The following ABCA8 variants were observed in gnomAD, a reference collection of about 807,000 sequenced individuals.
ABCA8 encodes the protein ATP binding cassette subfamily A member 8.
Under a neutral mutation model 192.3 loss-of-function variants are expected in ABCA8, and 177 were observed. The observed-to-expected ratio is 0.92, with a 90% confidence interval of 0.81 to 1.04. ABCA8 has a LOEUF of 1.04. Among genes scored for constraint, ABCA8 ranks in the 50% least tolerant of loss-of-function variants. The pLI is 0.00. For synonymous variants in ABCA8, 642 were observed against 690.2 expected, an observed-to-expected ratio of 0.93 and a Z score of 1.09; for missense variants, 1,915 against 1,904.8, an observed-to-expected ratio of 1.01 and a Z score of -0.10.
intron 38 of ABCA8, among the ~76,000 whole-genome samples, chr17:68,869,362 A>C (rs899463816): frequency 3.9e-5 from 6 of 152,210 alleles, no homozygotes; most frequent in Non-Finnish European, 5.9e-5. Context: ...CCACGGAAAA[A>C]TTTAATTTTA....
chr17:68,933,287 A>G lies in ABCA8; in HGVS notation c.467-16T>C. The G allele has an allele frequency of 6.8e-7, 1 of 1,470,164 alleles. No homozygotes were observed. Among genetic ancestry groups the G allele is most frequent in the South Asian group, 1.1e-5 (1 of 87,470 alleles). The allele number at this position is 1,470,164 out of a possible 1,614,324, so 91.1% of individuals were successfully genotyped here. A position where few individuals can be genotyped will look rare whatever the true frequency, so the allele number is the denominator to read the frequency against. ...TAACAATGAGCTTTGTGAAAAAACA[A>G]ATCATAACTATCATTACATCACTAT... On this transcript the variant is annotated splice_polypyrimidine_tract_variant and intron_variant, in intron 5 of 39. Transcript: ENST00000586539.
chr17:68,917,468 G>A lies in ABCA8; in HGVS notation c.2048-17C>T. On this transcript the variant is annotated splice_polypyrimidine_tract_variant and intron_variant, in intron 16 of 39. Transcript: ENST00000586539. The stretch of plus-strand genomic sequence containing the variant: ...CTTTCCTGTCTGAAAAAGAAGAAGA[G>A]CAAAGAAGAAAGTTTGTTAAAAAGT... 2 of 1,585,608 alleles carry A rather than the reference G, an allele frequency of 1.3e-6. No homozygotes were observed. The highest frequency in any genetic ancestry group is 1.7e-6 in the Non-Finnish European group (2 of 1,159,752).
chr17:68,876,304 C>CT (rs4148026), intron 35 of ABCA8, 156 bp downstream of exon 35: 6,473 of 689,596 alleles, frequency 9.4e-3, no homozygotes, highest in Non-Finnish European at 0.011. Context: ...AGGGAAAGAT[C>CT]TTTTTTTTTT....
At chr17:68,937,179 A>C in intron 4 of ABCA8, 64 bp from the exon 5 acceptor site, 10 of 1,357,380 alleles carry the variant, frequency 7.4e-6, no homozygotes, top group South Asian at 1.4e-5. Flanking sequence ...TCAGGATGTC[A>C]TGTTGAATTG....
Position 68,940,703 on chromosome 17 carries a change from C to A in ABCA8, c.301+55G>T. 3 of 1,488,818 alleles carry A rather than the reference C, an allele frequency of 2.0e-6. No individual in the cohort carries two copies. In the South Asian group the frequency reaches 3.5e-5, roughly 17 times the overall value. The allele number at this position is 1,488,818 out of a possible 1,614,324, so 92.2% of individuals were successfully genotyped here. A position where few individuals can be genotyped will look rare whatever the true frequency, so the allele number is the denominator to read the frequency against. On this transcript the variant is annotated intron_variant, in intron 4 of 39. Transcript: ENST00000586539. ...CAAATTAAATGTATAAATCTGCGGT[C>A]AAATAAACCAAATATTCACACCAGA...
At chr17:68,902,671 G>T in intron 21 of ABCA8, 42 bp downstream of exon 21, 1 of 1,550,706 alleles carries the variant, frequency 6.4e-7, no homozygotes, top group South Asian at 1.1e-5. Context: ...GTACTGCTCT[G>T]AACAGTAAAT....
At chr17:68,876,840 G>T in intron 33 of ABCA8, 137 bp from the exon 34 acceptor site, 1 of 978,442 alleles carries the variant, frequency 1.0e-6, no homozygotes, top group Non-Finnish European at 1.5e-6. Context: ...GGGAAGGAGG[G>T]GTGATATTAC....
At chr17:68,921,860 T>A (rs1223029018) in intron 12 of ABCA8, among the ~76,000 whole-genome samples, 1 of 151,942 alleles carries the variant, frequency 6.6e-6, no homozygotes, top group Non-Finnish European at 1.5e-5. Context: ...TTGAGGTAAG[T>A]GACATTTTCA....
intron 31 of ABCA8, 85 bp from the exon 32 acceptor site, chr17:68,881,296 A>G: frequency 2.1e-6 from 2 of 957,238 alleles, no homozygotes; most frequent in Non-Finnish European, 1.6e-6. Flanking sequence ...CTATGTGACA[A>G]GCATTTGCTA....
intron 22 of ABCA8, 68 bp from the exon 23 acceptor site, chr17:68,894,378 T>C: frequency 7.2e-7 from 1 of 1,387,676 alleles, no homozygotes. Context: ...AAGTCAAAAT[T>C]TGACATGTTA....
intron 2 of ABCA8, among the ~76,000 whole-genome samples, chr17:68,946,748 G>A (rs963212578): frequency 1.3e-5 from 2 of 152,146 alleles, no homozygotes; most frequent in Non-Finnish European, 2.9e-5. Context: ...ATACCAGCCT[G>A]CGCAACATGG....
Position 68,936,064 on chromosome 17 carries a change from T to C in ABCA8, c.466+887A>G, listed in dbSNP as rs192723773. On this transcript the variant is annotated intron_variant, in intron 5 of 39. Transcript: ENST00000586539. ...GCAAATGGGTTATTTGTTTTGCTTG[T>C]TGAGTTCTTTGAGTTCTTTGTTGAA... 1.3e-4 allele frequency among the ~76,000 whole-genome samples: 20 copies of C among 152,280 alleles called. No individual in the cohort carries two copies. The East Asian group carries it at 3.9e-3, about 29-fold the overall frequency.
intron 27 of ABCA8, 99 bp from the exon 28 acceptor site, chr17:68,884,495 G>T: frequency 1.4e-6 from 2 of 1,410,038 alleles, no homozygotes; most frequent in South Asian, 3.6e-5. Flanking sequence ...GCTAACATTT[G>T]ACCATGAATA....
Position 68,877,528 on chromosome 17 carries a change from G to A in ABCA8, c.4190C>T (p.Ala1397Val). Reference protein sequence around the residue: ...KGLRKGDAEVAITRLVDALKL... With the variant: ...KGLRKGDAEVVITRLVDALKL... Reference sequence around the variant, plus strand: ...TGGCTCCTCTGTGTACCGTGTGATGGCAACCTCAGCATCCCCTTTCCTCAG... The same window carrying A: ...TGGCTCCTCTGTGTACCGTGTGATGACAACCTCAGCATCCCCTTTCCTCAG... The change falls in exon 33 of 40, where the codon GCC becomes GTC. Residue 1397 changes from alanine to valine, a missense_variant. Ala to Val is a moderately conservative substitution (Grantham distance 64, BLOSUM62 0). Transcript: ENST00000586539. The A allele has an allele frequency of 6.2e-7, 1 of 1,613,082 alleles. No individual in the cohort carries two copies. Among genetic ancestry groups the A allele is most frequent in the Non-Finnish European group, 8.5e-7 (1 of 1,179,428 alleles).
intron 4 of ABCA8, among the ~76,000 whole-genome samples, chr17:68,938,468 T>A (rs541462368): frequency 3.9e-5 from 6 of 152,218 alleles, no homozygotes; most frequent in African/African-American, 1.4e-4. Flanking sequence ...TCCAGTGACT[T>A]GGTGGAGCAA....
At chr17:68,880,609 T>A (rs916971620) in intron 32 of ABCA8, among the ~76,000 whole-genome samples, 2 of 152,178 alleles carry the variant, frequency 1.3e-5, no homozygotes, top group African/African-American at 4.8e-5. Context: ...TGCCACCACA[T>A]TTTTTGGTGC....
intron 21 of ABCA8, among the ~76,000 whole-genome samples, chr17:68,901,495 A>G (rs900864081): frequency 1.3e-5 from 2 of 152,222 alleles, no homozygotes; most frequent in African/African-American, 4.8e-5. Context: ...GCATACGTAG[A>G]AACTGGAATC....
intron 21 of ABCA8, among the ~76,000 whole-genome samples, chr17:68,900,031 CTG>C (rs2066865508): frequency 6.6e-6 from 1 of 152,092 alleles, no homozygotes. Context: ...AGTGAAACTT[CTG>C]TGTTAAGACA....
intron 19 of ABCA8, among the ~76,000 whole-genome samples, chr17:68,903,925 T>C (rs2066983216): frequency 6.6e-6 from 1 of 152,176 alleles, no homozygotes. Flanking sequence ...CAGTTTTGAA[T>C]AGTTTCTGAG....
Sources: allele counts gnomAD v4.1 joint callset (sites outside exome capture counted in the v4.1 genomes callset), GRCh38; gene constraint gnomAD v4.1.1; transcripts MANE v1.5; gene names NCBI Gene and HGNC (gene_info 2026-07-23, HGNC 2026-07-21).